The following NFE2L1 variants were observed in gnomAD, a reference collection of about 807,000 sequenced individuals.
NFE2L1 encodes the protein NFE2 like bZIP transcription factor 1.
A neutral mutation model predicts 61.6 loss-of-function variants in NFE2L1; 18 were observed. The observed-to-expected ratio is 0.29, with a 90% confidence interval of 0.20 to 0.43. The LOEUF is 0.43. NFE2L1 is among the 20% of genes least tolerant of loss of function. The probability of loss-of-function intolerance (pLI) is 1.00; values close to 1 mark genes in which losing one functional copy is unlikely to be tolerated. For synonymous variants in NFE2L1, 419 were observed against 402.7 expected (o/e 1.04, Z -0.48); for missense variants, 827 against 973.5 (o/e 0.85, Z 2.00).
Position 48,059,978 on chromosome 17 carries a change from G to A in NFE2L1, c.*337G>A, listed in dbSNP as rs2037507458. On this transcript the variant is annotated 3_prime_UTR_variant, in exon 6 of 6. Transcript: ENST00000362042. The surrounding 1 kb of genome is among the most constrained non-coding windows in gnomAD (Gnocchi z 6.1). ...GGAAGGAATGGACCTGTGAGAGGAA[G>A]GGAAGGTGGCAGAAAGTCTCATTTC... The A allele has an allele frequency of 8.3e-6, 2 of 240,388 alleles. No homozygotes were observed. The highest frequency in any genetic ancestry group is 1.6e-5 in the Non-Finnish European group (2 of 126,798). The allele number at this position is 240,388 out of a possible 1,614,324, so 14.9% of individuals were successfully genotyped here.
intron 2 of NFE2L1, chr17:48,054,388 T>C (rs1190413021): frequency 3.2e-5 from 7 of 216,716 alleles, no homozygotes; most frequent in Middle Eastern, 1.6e-3. Flanking sequence ...CCAGCTGCCC[T>C]GATGCAGAGA....
chr17:48,058,427 G>T lies in NFE2L1; in HGVS notation c.1105G>T (p.Gly369Trp). 1 of 1,614,124 alleles carries T rather than the reference G, an allele frequency of 6.2e-7. No individual in the cohort carries two copies. The highest frequency in any genetic ancestry group is 8.5e-7 in the Non-Finnish European group (1 of 1,180,016). The change falls in exon 6 of 6, where the codon GGG becomes TGG. Residue 369 changes from glycine (G) to tryptophan (W), a missense_variant. Around this residue, in one of 3 missense-constraint regions of NFE2L1, gnomAD observed 667 missense variants for 748.4 expected, o/e 0.89. Coordinates refer to ENST00000362042, the MANE Select transcript of NFE2L1 (RefSeq NM_003204.3). ...TGTCAGCCTGCATCAGGCGTCCCTG[G>T]GGGGCTGCAGCCAGGACTTCTTACT... ...QNVSLHQASL[G>W]GCSQDFLLFS... is the part of the protein sequence containing the mutation.
rs2037527252 is a variant in NFE2L1, at chr17:48,060,486, A to C, written c.*845A>C. The C allele has an allele frequency of 6.5e-6, 1 of 152,954 alleles. No homozygotes were observed. The highest frequency in any genetic ancestry group is 2.4e-5 in the African/African-American group (1 of 41,426). 9.5% of individuals were successfully genotyped at this position (152,954 alleles called of 1,614,324 possible). A position where few individuals can be genotyped will look rare whatever the true frequency, so the allele number is the denominator to read the frequency against. On this transcript the variant is annotated 3_prime_UTR_variant, in exon 6 of 6. Transcript: ENST00000362042. ...CTGAGCTGAGGCTCCCATTGTCTCCATCAGAGCCTGCATGTGTATGCCGTC... is the reference window on the plus strand; with the variant it reads ...CTGAGCTGAGGCTCCCATTGTCTCCCTCAGAGCCTGCATGTGTATGCCGTC...
At position 48,058,864 on chromosome 17, in the gene NFE2L1, C is replaced by T. The variant is rs140189964; in HGVS notation, c.1542C>T (p.Ala514=). 30 of 1,613,590 alleles carry T rather than the reference C, an allele frequency of 1.9e-5. No individual in the cohort carries two copies. The highest frequency in any genetic ancestry group is 2.3e-5 in the Non-Finnish European group (27 of 1,179,938). ...SSSSSSASSS[A]SSSFSEEGAV... Reference sequence around the variant, plus strand: ...CTTCTTCCTCTGCTTCTTCCTCTGCCTCTTCCTCCTTTTCTGAGGAAGGTG... The same window carrying T: ...CTTCTTCCTCTGCTTCTTCCTCTGCTTCTTCCTCCTTTTCTGAGGAAGGTG... Residue 514 remains alanine, a synonymous_variant, in exon 6 of 6, where the codon GCC becomes GCT. Coordinates refer to ENST00000362042, the MANE Select transcript of NFE2L1 (RefSeq NM_003204.3).
rs779773396 is a variant in NFE2L1, at chr17:48,051,058, T to C, written c.-61T>C. 1 of 1,608,242 alleles carries C rather than the reference T, an allele frequency of 6.2e-7. No homozygotes were observed. The highest frequency in any genetic ancestry group is 8.5e-7 in the Non-Finnish European group (1 of 1,176,972). ...TGGCTGGAGCGGCAGAGCAGTGGCCTTGATTTGTCTTTTGGAAGATTTTAA... is the reference window on the plus strand; with the variant it reads ...TGGCTGGAGCGGCAGAGCAGTGGCCCTGATTTGTCTTTTGGAAGATTTTAA... On this transcript the variant is annotated 5_prime_UTR_variant, in exon 2 of 6. Coordinates refer to ENST00000362042, the MANE Select transcript of NFE2L1 (RefSeq NM_003204.3).
chr17:48,050,545 C>T (rs912556321), intron 1 of NFE2L1, 62 bp from the exon 2 acceptor site: 1 of 404,988 alleles, frequency 2.5e-6, no homozygotes, highest in African/African-American at 2.1e-5. Flanking sequence ...GGTTTTCCTA[C>T]CCTGATCATG....
rs979551753 is a variant in NFE2L1, at chr17:48,058,369, C to T, written c.1047C>T (p.Tyr349=). 5 of 1,614,020 alleles carry T rather than the reference C, an allele frequency of 3.1e-6. No homozygotes were observed. The highest frequency in any genetic ancestry group is 4.2e-6 in the Non-Finnish European group (5 of 1,180,000). ...APPGDPLSTN[Y]SLAPNTPINQ... is the part of the protein sequence containing the mutation. ...CTGGAGACCCACTGAGCACCAACTA[C>T]AGCCTTGCCCCCAACACTCCCATCA... Residue 349 remains tyrosine, a synonymous_variant, in exon 6 of 6, where the codon TAC becomes TAT. Coordinates refer to ENST00000362042, the MANE Select transcript of NFE2L1 (RefSeq NM_003204.3).
chr17:48,053,009 T>G (rs776197670), intron 2 of NFE2L1, among the ~76,000 whole-genome samples: 3 of 152,198 alleles, frequency 2.0e-5, no homozygotes, highest in Admixed American at 6.5e-5. Flanking sequence ...ACAGGGCCAC[T>G]TGGAACTTCA....
chr17:48,055,011 C>T, intron 2 of NFE2L1: 1 of 1,514,126 alleles, frequency 6.6e-7, no homozygotes, highest in Non-Finnish European at 8.8e-7. Context: ...GGGCTCATCT[C>T]GCAGACCATG....
In NFE2L1 at chr17:48,061,406, G is replaced by A. The variant is rs1369874637; in HGVS notation, c.*1765G>A. ...GATTTTATTTTTAATTTATCTCTGTGACCTGCCAGGGAGAGGGGAGAGAGA... is the reference window on the plus strand; with the variant it reads ...GATTTTATTTTTAATTTATCTCTGTAACCTGCCAGGGAGAGGGGAGAGAGA... On this transcript the variant is annotated 3_prime_UTR_variant, in exon 6 of 6. Coordinates refer to ENST00000362042, the MANE Select transcript of NFE2L1 (RefSeq NM_003204.3). 2.0e-5 allele frequency: 3 copies of A among 152,136 alleles called. No homozygotes were observed. Among genetic ancestry groups the A allele is most frequent in the Non-Finnish European group, 4.4e-5 (3 of 68,040 alleles). 9.4% of individuals were successfully genotyped at this position (152,136 alleles called of 1,614,324 possible). A position where few individuals can be genotyped will look rare whatever the true frequency, so the allele number is the denominator to read the frequency against.
At position 48,058,952 on chromosome 17, in the gene NFE2L1, T is replaced by C. The variant is rs1210776240; in HGVS notation, c.1630T>C (p.Tyr544His). 6 of 1,613,924 alleles carry C rather than the reference T, an allele frequency of 3.7e-6. No homozygotes were observed. Among genetic ancestry groups the C allele is most frequent in the East Asian group, 2.2e-5 (1 of 44,896 alleles). Residue 544 changes from tyrosine to histidine, a missense_variant, in exon 6 of 6, where the codon TAC becomes CAC. Tyr to His is a moderately conservative substitution (Grantham distance 83). This residue lies in a region of NFE2L1 where 667 missense variants were observed against 748.4 expected (regional missense o/e 0.89). Transcript: ENST00000362042. ...GGAAGAGGCCGAGGGTGCTGTGGGCTACCAGCCTGAGTATTCCAAGTTCTG... is the reference window on the plus strand; with the variant it reads ...GGAAGAGGCCGAGGGTGCTGTGGGCCACCAGCCTGAGTATTCCAAGTTCTG... ...DLEEAEGAVGYQPEYSKFCRM... is the reference protein window; with the variant it reads ...DLEEAEGAVGHQPEYSKFCRM...
At chr17:48,049,834 C>T (rs1335860084) in intron 1 of NFE2L1, among the ~76,000 whole-genome samples, 1 of 152,284 alleles carries the variant, frequency 6.6e-6, no homozygotes, top group East Asian at 1.9e-4. Flanking sequence ...ATAATCTTGC[C>T]TTTTTGAACT....
chr17:48,051,019 G>T lies in NFE2L1; in HGVS notation c.-100G>T, dbSNP rs2037235112. ...GGTGGGGTACGGGGTTTGACACTGA[G>T]GAGGGTAACCTGCTGGCTGGAGCGG... On this transcript the variant is annotated 5_prime_UTR_variant, in exon 2 of 6. The change creates a new upstream start codon in the 5' untranslated region. Transcript: ENST00000362042. The T allele has an allele frequency of 6.8e-7, 1 of 1,465,730 alleles. No individual in the cohort carries two copies. Among genetic ancestry groups the T allele is most frequent in the African/African-American group, 1.4e-5 (1 of 71,968 alleles). The allele number at this position is 1,465,730 out of a possible 1,614,324, so 90.8% of individuals were successfully genotyped here. A position where few individuals can be genotyped will look rare whatever the true frequency, so the allele number is the denominator to read the frequency against.
At position 48,051,034 on chromosome 17, in the gene NFE2L1, G is replaced by A. The variant is rs768385672; in HGVS notation, c.-85G>A. On this transcript the variant is annotated 5_prime_UTR_variant, in exon 2 of 6. It introduces an in-frame stop codon into an upstream open reading frame of the 5' UTR. Transcript: ENST00000362042. ...TTGACACTGAGGAGGGTAACCTGCTGGCTGGAGCGGCAGAGCAGTGGCCTT... is the reference window on the plus strand; with the variant it reads ...TTGACACTGAGGAGGGTAACCTGCTAGCTGGAGCGGCAGAGCAGTGGCCTT... 8 of 1,554,746 alleles carry A rather than the reference G, an allele frequency of 5.1e-6. No individual in the cohort carries two copies. The highest frequency in any genetic ancestry group is 2.2e-5 in the East Asian group (1 of 44,492).
In NFE2L1 at chr17:48,059,396, G is replaced by T; in HGVS notation, c.2074G>T (p.Asp692Tyr). 1 of 1,614,206 alleles carries T rather than the reference G, an allele frequency of 6.2e-7. No individual in the cohort carries two copies. Among genetic ancestry groups the T allele is most frequent in the Non-Finnish European group, 8.5e-7 (1 of 1,180,044 alleles). The change falls in exon 6 of 6, where the codon GAC becomes TAC. Residue 692 changes from aspartate (D) to tyrosine (Y), a missense_variant. Asp to Tyr is a radical substitution (Grantham distance 160). Transcript: ENST00000362042. This position sits in a 1 kb window ranked among gnomAD's most constrained non-coding sequence, Gnocchi z 6.1. ...LERDVEDLQRDKARLLREKVE... is the reference protein window; with the variant it reads ...LERDVEDLQRYKARLLREKVE... Reference sequence around the variant, plus strand: ...GCGTGATGTGGAGGACCTGCAGCGTGACAAAGCCCGGCTGCTGCGGGAGAA... The same window carrying T: ...GCGTGATGTGGAGGACCTGCAGCGTTACAAAGCCCGGCTGCTGCGGGAGAA...
At chr17:48,057,144 T>C (rs2144384590) in intron 4 of NFE2L1, 23 bp downstream of exon 4, 1 of 1,611,108 alleles carries the variant, frequency 6.2e-7, no homozygotes, top group Non-Finnish European at 8.5e-7. Context: ...CCAGTGAGAG[T>C]CCACCAAGTG....
chr17:48,049,655 A>G (rs1369451963), intron 1 of NFE2L1, among the ~76,000 whole-genome samples: 2 of 152,244 alleles, frequency 1.3e-5, no homozygotes, highest in Admixed American at 1.3e-4. Flanking sequence ...GGCCTCCCGA[A>G]GTGCTGGGAT....
chr17:48,058,680 T>C lies in NFE2L1; in HGVS notation c.1358T>C (p.Met453Thr), dbSNP rs1362436952. ...GCTATGTTGGATGAGATCAGCCTTA[T>C]GGACCTGGCCATTGAAGAAGGCTTT... ...DEAMLDEISL[M>T]DLAIEEGFNP... The change falls in exon 6 of 6, where the codon ATG becomes ACG. Residue 453 changes from methionine to threonine, a missense_variant. By Grantham distance (81) the Met-to-Thr change is moderately conservative (BLOSUM62 -1). Around this residue, in one of 3 missense-constraint regions of NFE2L1, gnomAD observed 667 missense variants for 748.4 expected, o/e 0.89. Transcript: ENST00000362042. 1 of 1,614,228 alleles carries C rather than the reference T, an allele frequency of 6.2e-7. No individual in the cohort carries two copies. The highest frequency in any genetic ancestry group is 8.5e-7 in the Non-Finnish European group (1 of 1,180,038).
In NFE2L1 at chr17:48,056,575, A is replaced by G; in HGVS notation, c.700A>G (p.Thr234Ala). ...ACGGAACCTGCTAGTGGATGGAGAG[A>G]CTGGGGAGAGCTTCCCTGCACAGGT... ...LARNLLVDGE[T>A]GESFPAQVPS... Residue 234 changes from threonine (T) to alanine (A), a missense_variant, in exon 3 of 6, where the codon ACT (threonine) becomes GCT (alanine). By Grantham distance (58) the Thr-to-Ala change is moderately conservative (BLOSUM62 0). Coordinates refer to ENST00000362042, the MANE Select transcript of NFE2L1 (RefSeq NM_003204.3). 1 of 1,613,272 alleles carries G rather than the reference A, an allele frequency of 6.2e-7. No individual in the cohort carries two copies. The highest frequency in any genetic ancestry group is 8.5e-7 in the Non-Finnish European group (1 of 1,179,874).
Sources: allele counts gnomAD v4.1 joint callset (sites outside exome capture counted in the v4.1 genomes callset), GRCh38; gene constraint gnomAD v4.1.1; regional missense constraint gnomAD v4.1.1; non-coding constraint Gnocchi (gnomAD v3.1); transcripts MANE v1.5; gene names NCBI Gene and HGNC (gene_info 2026-07-23, HGNC 2026-07-21).